Variants in ZYG11B observed in about 807,000 individuals in gnomAD.
The protein encoded by ZYG11B is protein zyg-11 homolog B.
In ZYG11B, 36 loss-of-function variants were observed where a neutral mutation model predicts 82.4. That is an observed-to-expected ratio of 0.44 (90% CI 0.33 to 0.58). ZYG11B has a LOEUF of 0.58. ZYG11B is among the 20% of genes least tolerant of loss of function. The pLI is 0.02. For synonymous variants in ZYG11B, 303 were observed against 312.8 expected, an observed-to-expected ratio of 0.97 and a Z score of 0.33; for missense variants, 552 against 895.6, an observed-to-expected ratio of 0.62 and a Z score of 4.90.
At chr1:52,740,704 C>T (rs886863323) in intron 1 of ZYG11B, among the ~76,000 whole-genome samples, 12 of 151,616 alleles carry the variant, frequency 7.9e-5, no homozygotes, top group African/African-American at 2.7e-4. Context: ...GCTTGGATTA[C>T]AGGCATGCGC....
At position 52,821,502 on chromosome 1, in the gene ZYG11B, A is replaced by T; in HGVS notation, c.2108A>T (p.Asp703Val). The T allele has an allele frequency of 1.2e-6, 2 of 1,614,066 alleles. No individual in the cohort carries two copies. The highest frequency in any genetic ancestry group is 2.2e-5 in the East Asian group (1 of 44,870). The change falls in exon 14 of 14, where the codon GAT becomes GTT. Residue 703 changes from aspartate (D) to valine (V), a missense_variant. Physicochemically the swap from Asp to Val is radical, Grantham distance 152. Around this residue, in one of 3 missense-constraint regions of ZYG11B, gnomAD observed 127 missense variants for 163.4 expected, o/e 0.78. Coordinates refer to ENST00000294353, the MANE Select transcript of ZYG11B (RefSeq NM_024646.3). The stretch of plus-strand genomic sequence containing the variant: ...TTGCAGCATTTATACAACATCAAAG[A>T]TCATGAACATACTGATCCCCATGTC... Reference protein sequence around the residue: ...GGLQHLYNIKDHEHTDPHVQQ... With the variant: ...GGLQHLYNIKVHEHTDPHVQQ...
At chr1:52,794,015 G>T in intron 6 of ZYG11B, among the ~76,000 whole-genome samples, 1 of 149,694 alleles carries the variant, frequency 6.7e-6, no homozygotes, top group East Asian at 2.0e-4. Context: ...TCACTCTGTC[G>T]CCAGGCTGGA....
intron 6 of ZYG11B, among the ~76,000 whole-genome samples, chr1:52,794,789 T>A (rs1644994221): frequency 6.6e-6 from 1 of 152,160 alleles, no homozygotes; most frequent in South Asian, 2.1e-4. Context: ...CCACATTGAG[T>A]TCTTTGGCAA....
Position 52,726,729 on chromosome 1 carries a change from GC to G in ZYG11B, c.30+51del, listed in dbSNP as rs927842095. On this transcript the variant is annotated intron_variant, in intron 1 of 13. Coordinates refer to ENST00000294353, the MANE Select transcript of ZYG11B (RefSeq NM_024646.3). Reference sequence around the variant, plus strand: ...CTAGCCGCAGCCGCCCGCCACCCTAGCCCCCGCCCGTCGCGCTGGCCCCTGC... The same window carrying G: ...CTAGCCGCAGCCGCCCGCCACCCTAGCCCCGCCCGTCGCGCTGGCCCCTGC... 43 of 1,436,316 alleles carry G rather than the reference GC, an allele frequency of 3.0e-5. No homozygotes were observed. In the African/African-American group the frequency reaches 5.4e-4, roughly 18 times the overall value. 89.0% of individuals were successfully genotyped at this position (1,436,316 alleles called of 1,614,324 possible).
chr1:52,814,001 C>G, intron 12 of ZYG11B, 89 bp downstream of exon 12: 3 of 1,185,004 alleles, frequency 2.5e-6, no homozygotes, highest in East Asian at 2.4e-5. Flanking sequence ...TAATTTTTCC[C>G]TCAGGCACCT....
chr1:52,774,817 TTC>T (rs1015979654), intron 3 of ZYG11B, among the ~76,000 whole-genome samples: 1 of 152,044 alleles, frequency 6.6e-6, no homozygotes, highest in African/African-American at 2.4e-5. Flanking sequence ...CAGTTTTCTC[TTC>T]TGTTACCATC....
chr1:52,765,493 AGTTTTTTGTTTTTT>A (rs146928442), intron 2 of ZYG11B, among the ~76,000 whole-genome samples: 4 of 151,870 alleles, frequency 2.6e-5, no homozygotes, highest in African/African-American at 7.3e-5. Context: ...CACCACACTC[AGTTTTTTGTTTTTT>A]GTTTTTTGTT....
intron 10 of ZYG11B, among the ~76,000 whole-genome samples, chr1:52,809,934 C>T (rs1342610409): frequency 6.6e-6 from 1 of 152,110 alleles, no homozygotes; most frequent in Non-Finnish European, 1.5e-5. Flanking sequence ...AGATATATGT[C>T]TTGCAAATGT....
chr1:52,747,849 A>G (rs926371916), intron 1 of ZYG11B, among the ~76,000 whole-genome samples: 5 of 152,176 alleles, frequency 3.3e-5, no homozygotes, highest in African/African-American at 1.2e-4. Flanking sequence ...TCTACCATTT[A>G]TTAGCTCTGT....
intron 2 of ZYG11B, among the ~76,000 whole-genome samples, chr1:52,759,803 G>A (rs987147146): frequency 2.0e-5 from 3 of 152,116 alleles, no homozygotes; most frequent in African/African-American, 4.8e-5. Flanking sequence ...AAGTTATTCA[G>A]TTGATACTTT....
intron 10 of ZYG11B, among the ~76,000 whole-genome samples, chr1:52,807,491 CTTTT>C (rs34785263): frequency 7.8e-6 from 1 of 128,934 alleles, no homozygotes; most frequent in Non-Finnish European, 1.6e-5. Flanking sequence ...GCTAAGAGTA[CTTTT>C]TTTTTTTTTT....
At position 52,781,016 on chromosome 1, in the gene ZYG11B, C is replaced by T. The variant is rs542526468; in HGVS notation, c.1092+1023C>T. ...AAAATTAGCCAAATGTGGTGGTGCA[C>T]GCCAGTAATCCCAGCTACTCAGGAG... On this transcript the variant is annotated intron_variant, in intron 4 of 13. Transcript: ENST00000294353. 6.6e-5 allele frequency among the ~76,000 whole-genome samples: 10 copies of T among 151,186 alleles called. No individual in the cohort carries two copies. In the South Asian group the frequency reaches 1.3e-3, roughly 19 times the overall value.
rs527790932 is a variant in ZYG11B, at chr1:52,825,271, A to G, written c.*3642A>G. The G allele has an allele frequency of 2.5e-4, 38 of 152,268 alleles. No individual in the cohort carries two copies. The highest frequency in any genetic ancestry group is 4.9e-4 in the Non-Finnish European group (33 of 68,028). 9.4% of individuals were successfully genotyped at this position (152,268 alleles called of 1,614,324 possible). A position where few individuals can be genotyped will look rare whatever the true frequency, so the allele number is the denominator to read the frequency against. ...TTAACTGCATTATTAACTAATTAAT[A>G]AAATAAATCAAGTGGTATAAGGGAT... On this transcript the variant is annotated 3_prime_UTR_variant, in exon 14 of 14. Transcript: ENST00000294353.
chr1:52,813,409 T>G (rs1645200114), intron 10 of ZYG11B, 127 bp from the exon 11 acceptor site: 2 of 721,868 alleles, frequency 2.8e-6, no homozygotes, highest in African/African-American at 3.6e-5. Context: ...ATTTGAATAC[T>G]TTCTCTCAGG....
chr1:52,809,412 G>A (rs1415903176), intron 10 of ZYG11B, among the ~76,000 whole-genome samples: 1 of 152,038 alleles, frequency 6.6e-6, no homozygotes, highest in Non-Finnish European at 1.5e-5. Context: ...TCATGTAAGT[G>A]GAATCATACA....
At chr1:52,791,649 A>G (rs1437097708) in intron 6 of ZYG11B, among the ~76,000 whole-genome samples, 2 of 152,224 alleles carry the variant, frequency 1.3e-5, no homozygotes, top group Non-Finnish European at 1.5e-5. Context: ...AATTACAGGC[A>G]TGAGCCACTG....
intron 2 of ZYG11B, among the ~76,000 whole-genome samples, chr1:52,768,353 G>A (rs527371272): frequency 1.3e-5 from 2 of 152,216 alleles, no homozygotes; most frequent in South Asian, 2.1e-4. Context: ...TAGCTGATCT[G>A]CTTTCATCTC....
At chr1:52,821,372 A>C in intron 13 of ZYG11B, 67 bp from the exon 14 acceptor site, 2 of 1,470,380 alleles carry the variant, frequency 1.4e-6, no homozygotes, top group Non-Finnish European at 1.8e-6. Flanking sequence ...TTTTTGTGGA[A>C]TAATTTTCAA....
chr1:52,772,082 A>G (rs1644756564), intron 3 of ZYG11B: 1 of 775,370 alleles, frequency 1.3e-6, no homozygotes, highest in Non-Finnish European at 2.2e-6. Flanking sequence ...AGGTTGTCTT[A>G]TGATGATAAT....
Sources: gnomAD v4.1 joint callset for allele counts (sites outside exome capture counted in the v4.1 genomes callset) on GRCh38, gnomAD v4.1.1 for gene constraint, gnomAD v4.1.1 regional missense constraint, MANE v1.5 for transcripts, NCBI Gene and HGNC (gene_info 2026-07-23, HGNC 2026-07-21) for gene names.